DCP1A: variants seen among roughly 807,000 people sequenced by gnomAD.
DCP1A encodes the protein mRNA-decapping enzyme 1A.
Under a neutral mutation model 58.0 loss-of-function variants are expected in DCP1A, and 20 were observed. The ratio of observed to expected loss-of-function variants is 0.34; its 90% CI spans 0.24 to 0.50. The LOEUF is 0.50. Ranked by LOEUF, DCP1A falls within the 20% of genes least tolerant of loss-of-function variation. DCP1A has a pLI of 0.98. For synonymous variants in DCP1A, 285 were observed against 275.1 expected (o/e 1.04, Z -0.36); for missense variants, 613 against 712.2 (o/e 0.86, Z 1.59).
At chr3:53,321,575 C>T (rs540398011) in intron 3 of DCP1A, among the ~76,000 whole-genome samples, 6 of 152,128 alleles carry the variant, frequency 3.9e-5, no homozygotes, top group East Asian at 3.9e-4. Flanking sequence ...CAAAATTAGC[C>T]GGGCATGGTA....
At chr3:53,308,126 T>G (rs2106827765) in intron 5 of DCP1A, among the ~76,000 whole-genome samples, 1 of 152,350 alleles carries the variant, frequency 6.6e-6, no homozygotes, top group African/African-American at 2.4e-5. Flanking sequence ...TTAGCAGTGA[T>G]TATTTCTAGG....
chr3:53,291,152 G>C (rs1226432791), intron 7 of DCP1A, among the ~76,000 whole-genome samples: 1 of 115,956 alleles, frequency 8.6e-6, no homozygotes, highest in Non-Finnish European at 2.1e-5. Flanking sequence ...TGAAACCTGT[G>C]TCTCTTATAA....
intron 5 of DCP1A, among the ~76,000 whole-genome samples, chr3:53,305,152 C>G (rs1453844795): frequency 3.9e-5 from 6 of 152,080 alleles, no homozygotes; most frequent in Admixed American, 3.3e-4. Flanking sequence ...TAGCATAATG[C>G]CTTTAAGGTA....
In DCP1A at chr3:53,325,831, C is replaced by T. The variant is rs1458723707; in HGVS notation, c.305-6358G>A. Among the ~76,000 whole-genome samples, 5 of 152,124 alleles carry T rather than the reference C, an allele frequency of 3.3e-5. No individual in the cohort carries two copies. The East Asian group carries it at 5.8e-4, about 18-fold the overall frequency. On this transcript the variant is annotated intron_variant, in intron 3 of 9. Coordinates refer to ENST00000610213, the MANE Select transcript of DCP1A (RefSeq NM_018403.7). ...GGATATGGAGCCTAAGACTGACTGA[C>T]GTGGGATCATAACAGATTTTGGCAT...
At chr3:53,345,738 C>T (rs2089283914) in intron 1 of DCP1A, among the ~76,000 whole-genome samples, 1 of 152,096 alleles carries the variant, frequency 6.6e-6, no homozygotes, top group African/African-American at 2.4e-5. Context: ...TTGATCATCT[C>T]GATTTCTTCC....
At chr3:53,302,401 A>G (rs1553687501) in intron 6 of DCP1A, among the ~76,000 whole-genome samples, 1 of 152,242 alleles carries the variant, frequency 6.6e-6, no homozygotes, top group African/African-American at 2.4e-5. Flanking sequence ...GCTACATGCT[A>G]AGGATACAGC....
rs782695330 is a variant in DCP1A at position 53,347,461 on chromosome 3, G to A, written c.57C>T (p.His19=). The change falls in exon 1 of 10, where the codon CAC becomes CAT. Residue 19 remains histidine (H), a synonymous_variant. Coordinates refer to ENST00000610213, the MANE Select transcript of DCP1A (RefSeq NM_018403.7). Reference sequence around the variant, plus strand: ...CTGCGATGCTGGTGATATAGGGGTCGTGTTGCTTCAGGGCCGCTAGGCTCA... The same window carrying A: ...CTGCGATGCTGGTGATATAGGGGTCATGTTGCTTCAGGGCCGCTAGGCTCA... ...QEMSLAALKQ[H]DPYITSIADL... is the part of the protein sequence containing the mutation. 9 of 1,613,682 alleles carry A rather than the reference G, an allele frequency of 5.6e-6. No homozygotes were observed. Among genetic ancestry groups the A allele is most frequent in the Non-Finnish European group, 7.6e-6 (9 of 1,179,716 alleles).
Position 53,287,485 on chromosome 3 carries a change from G to T in DCP1A, c.*95C>A. Reference sequence around the variant, plus strand: ...CTCTTTCTCATAGGCTCAATTTCAGGATTCTCAAACTCAATGTTCTGCTCA... The same window carrying T: ...CTCTTTCTCATAGGCTCAATTTCAGTATTCTCAAACTCAATGTTCTGCTCA... On this transcript the variant is annotated 3_prime_UTR_variant, in exon 10 of 10. Transcript: ENST00000610213. The T allele has an allele frequency of 2.6e-6, 2 of 763,426 alleles. No individual in the cohort carries two copies. Among genetic ancestry groups the T allele is most frequent in the Non-Finnish European group, 4.4e-6 (2 of 455,250 alleles). 47.3% of individuals were successfully genotyped at this position (763,426 alleles called of 1,614,324 possible).
chr3:53,325,202 C>T (rs1553690461), intron 3 of DCP1A, among the ~76,000 whole-genome samples: 10 of 152,112 alleles, frequency 6.6e-5, no homozygotes, highest in Admixed American at 2.0e-4. Context: ...ACATGGCTCA[C>T]ACAAGATCAA....
chr3:53,290,984 T>A, intron 7 of DCP1A, 128 bp from the exon 8 acceptor site: 3 of 802,618 alleles, frequency 3.7e-6, no homozygotes, highest in Non-Finnish European at 6.1e-6. Context: ...GTTCAGATAT[T>A]AACTAGTTCC....
chr3:53,313,480 G>T (rs1451913725), intron 4 of DCP1A, among the ~76,000 whole-genome samples: 1 of 151,334 alleles, frequency 6.6e-6, no homozygotes, highest in Non-Finnish European at 1.5e-5. Context: ...CTTCTCCCTT[G>T]TAAAGAAAGA....
chr3:53,313,575 C>A (rs1297820536), intron 4 of DCP1A, among the ~76,000 whole-genome samples: 1 of 152,042 alleles, frequency 6.6e-6, no homozygotes, highest in Non-Finnish European at 1.5e-5. Context: ...TATTTTTCTT[C>A]AAGCTTTCAA....
intron 3 of DCP1A, among the ~76,000 whole-genome samples, chr3:53,325,731 CA>C (rs1708087597): frequency 6.6e-6 from 1 of 152,056 alleles, no homozygotes; most frequent in Non-Finnish European, 1.5e-5. Context: ...CTAAGAACAT[CA>C]AAGGGTTAGG....
At chr3:53,303,991 A>G (rs188053017) in intron 6 of DCP1A, among the ~76,000 whole-genome samples, 186 bp downstream of exon 6, 1 of 152,366 alleles carries the variant, frequency 6.6e-6, no homozygotes, top group African/African-American at 2.4e-5. Flanking sequence ...ATGGGAAACC[A>G]GGTAGCAGGC....
intron 3 of DCP1A, among the ~76,000 whole-genome samples, chr3:53,340,969 T>G (rs2089193180): frequency 6.6e-6 from 1 of 152,196 alleles, no homozygotes; most frequent in Admixed American, 6.6e-5. Context: ...ACTGCCTGCT[T>G]ACACCACATA....
At chr3:53,316,052 C>A (rs1313802573) in intron 4 of DCP1A, among the ~76,000 whole-genome samples, 1 of 152,014 alleles carries the variant, frequency 6.6e-6, no homozygotes, top group Non-Finnish European at 1.5e-5. Context: ...CCGCGCCCAG[C>A]CTGGAGTAAA....
intron 4 of DCP1A, among the ~76,000 whole-genome samples, chr3:53,317,442 G>C (rs1162062749): frequency 6.6e-6 from 1 of 152,224 alleles, no homozygotes. Context: ...TAGGATTACA[G>C]GCGTGAGCCA....
At position 53,288,107 on chromosome 3, in the gene DCP1A, G is replaced by A. The variant is rs1460728037; in HGVS notation, c.1626C>T (p.Leu542=). The change falls in exon 9 of 10, where the codon CTC becomes CTT. Residue 542 remains leucine (L), a synonymous_variant. Coordinates refer to ENST00000610213, the MANE Select transcript of DCP1A (RefSeq NM_018403.7). ...ATGTATCCTGGAGCTGAGACTTGCT[G>A]AGAATAATGGAAGGCTTTCTCTGAC... is the stretch of plus-strand genomic sequence containing the variant. The part of the protein sequence containing the change: ...PESQRKPSII[L]SKSQLQDTLI... The A allele has an allele frequency of 1.2e-6, 2 of 1,613,922 alleles. No homozygotes were observed. Among genetic ancestry groups the A allele is most frequent in the African/African-American group, 2.7e-5 (2 of 74,944 alleles).
intron 3 of DCP1A, among the ~76,000 whole-genome samples, chr3:53,333,468 A>G (rs913720018): frequency 4.6e-5 from 7 of 152,042 alleles, no homozygotes; most frequent in African/African-American, 1.4e-4. Context: ...TATGTCCATC[A>G]TATCAGGTTT....
Sources: gnomAD v4.1 joint callset for allele counts (sites outside exome capture counted in the v4.1 genomes callset) on GRCh38, gnomAD v4.1.1 for gene constraint, MANE v1.5 for transcripts, NCBI Gene and HGNC (gene_info 2026-07-23, HGNC 2026-07-21) for gene names.